The following LSM14A variants were observed in gnomAD, a reference collection of about 807,000 sequenced individuals.
LSM14A encodes protein LSM14 homolog A.
A neutral mutation model predicts 52.4 loss-of-function variants in LSM14A; 14 were observed. The observed-to-expected ratio is 0.27, with a 90% confidence interval of 0.18 to 0.42. The LOEUF is 0.42. LSM14A is among the 10% of genes least tolerant of loss of function. LSM14A has a pLI of 1.00. For synonymous variants in LSM14A, 185 were observed against 200.3 expected (o/e 0.92, Z 0.64); for missense variants, 417 against 581.8 (o/e 0.72, Z 2.91).
chr19:34,186,958 G>A (rs2069952949), intron 1 of LSM14A, among the ~76,000 whole-genome samples: 1 of 152,038 alleles, frequency 6.6e-6, no homozygotes, highest in Non-Finnish European at 1.5e-5. Flanking sequence ...AAAAAGTTCA[G>A]GCCGGGTGTG....
At chr19:34,222,224 G>A (rs2073105876) in intron 9 of LSM14A, among the ~76,000 whole-genome samples, 2 of 152,212 alleles carry the variant, frequency 1.3e-5, no homozygotes, top group South Asian at 4.1e-4. Flanking sequence ...AGTAAGTGAT[G>A]GTGCTGGGTG....
intron 9 of LSM14A, among the ~76,000 whole-genome samples, chr19:34,225,067 G>GCAGA (rs2073269882): frequency 6.6e-6 from 1 of 152,110 alleles, no homozygotes; most frequent in African/African-American, 2.4e-5. Context: ...GTTTTGTTCT[G>GCAGA]CATCACCAGC....
rs773765743 is a variant in LSM14A, at chr19:34,215,179, A to C, written c.594A>C (p.Ala198=). ...PLRKSPTMEQ[A]VQTASAHLPA... ...GAAAAAGCCCAACCATGGAACAAGC[A>C]GTGCAGACCGCCTCAGCCCACTTAC... Residue 198 remains alanine, a synonymous_variant, in exon 5 of 10, where the codon GCA becomes GCC. Coordinates refer to ENST00000544216, the MANE Select transcript of LSM14A (RefSeq NM_015578.4). 1 of 1,614,118 alleles carries C rather than the reference A, an allele frequency of 6.2e-7. No individual in the cohort carries two copies. Among genetic ancestry groups the C allele is most frequent in the Non-Finnish European group, 8.5e-7 (1 of 1,180,022 alleles).
intron 6 of LSM14A, among the ~76,000 whole-genome samples, chr19:34,217,151 C>T (rs969302979): frequency 6.6e-6 from 1 of 150,820 alleles, no homozygotes; most frequent in Non-Finnish European, 1.5e-5. Context: ...CCCAGCTGCT[C>T]GGGAGGCTGA....
At chr19:34,186,244 T>C (rs1651801) in intron 1 of LSM14A, among the ~76,000 whole-genome samples, 75,108 of 152,108 alleles carry the variant, frequency 0.49, 19,257 homozygotes, top group Middle Eastern at 0.58. Context: ...GAACAGATTA[T>C]TTCAGCCCAG....
intron 1 of LSM14A, among the ~76,000 whole-genome samples, chr19:34,193,901 T>C (rs1317030440): frequency 6.6e-6 from 1 of 152,232 alleles, no homozygotes; most frequent in Non-Finnish European, 1.5e-5. Flanking sequence ...CCAGGCACAG[T>C]GGCTTAGGCC....
chr19:34,194,870 A>G (rs1267383142), intron 2 of LSM14A, among the ~76,000 whole-genome samples: 1 of 152,230 alleles, frequency 6.6e-6, no homozygotes, highest in Non-Finnish European at 1.5e-5. Context: ...TAATTTCAAC[A>G]ACAATTACCA....
intron 9 of LSM14A, among the ~76,000 whole-genome samples, chr19:34,223,797 A>G (rs2073193902): frequency 2.0e-5 from 3 of 152,238 alleles, no homozygotes; most frequent in Admixed American, 2.0e-4. Flanking sequence ...CCAGATGAGA[A>G]TAATAGCAGT....
At chr19:34,194,155 A>T (rs1003801817) in intron 1 of LSM14A, among the ~76,000 whole-genome samples, 5 of 152,222 alleles carry the variant, frequency 3.3e-5, no homozygotes, top group Admixed American at 3.3e-4. Context: ...CCTAGGGGAC[A>T]GAGACCCAGT....
intron 4 of LSM14A, among the ~76,000 whole-genome samples, chr19:34,214,444 G>C (rs1302989657): frequency 2.0e-5 from 3 of 151,854 alleles, no homozygotes. Context: ...GAGTAGCTGG[G>C]AACACAGGCA....
chr19:34,223,690 A>T (rs1385446470), intron 9 of LSM14A, among the ~76,000 whole-genome samples: 1 of 152,246 alleles, frequency 6.6e-6, no homozygotes, highest in Admixed American at 6.5e-5. Flanking sequence ...TTTAAGGCAG[A>T]TCAGCTACAT....
Position 34,215,305 on chromosome 19 carries a change from A to G in LSM14A, c.715+5A>G. On this transcript the variant is annotated splice_donor_5th_base_variant and intron_variant, in intron 5 of 9. Coordinates refer to ENST00000544216, the MANE Select transcript of LSM14A (RefSeq NM_015578.4). Reference sequence around the variant, plus strand: ...AGAATCAGGAGCACAGGCGAGGTAGAACTTTAGCTGTTTACTGTTCCTTAA... The same window carrying G: ...AGAATCAGGAGCACAGGCGAGGTAGGACTTTAGCTGTTTACTGTTCCTTAA... 6.2e-7 allele frequency: 1 copy of G among 1,605,688 alleles called. No individual in the cohort carries two copies. Among genetic ancestry groups the G allele is most frequent in the Non-Finnish European group, 8.5e-7 (1 of 1,176,666 alleles).
chr19:34,225,185 G>C (rs955501167), intron 9 of LSM14A, among the ~76,000 whole-genome samples: 3 of 152,174 alleles, frequency 2.0e-5, no homozygotes, highest in Non-Finnish European at 4.4e-5. Context: ...TGCTTGTCAT[G>C]TTGATTAGGA....
Sources: allele counts gnomAD v4.1 joint callset (sites outside exome capture counted in the v4.1 genomes callset), GRCh38; gene constraint gnomAD v4.1.1; transcripts MANE v1.5; gene names NCBI Gene and HGNC (gene_info 2026-07-23, HGNC 2026-07-21).